The following RGPD2 variants were observed in gnomAD, a reference collection of about 807,000 sequenced individuals.
The protein encoded by RGPD2 is RANBP2 like and GRIP domain containing 2.
A neutral mutation model predicts 36.0 loss-of-function variants in RGPD2; 2 were observed. The observed-to-expected ratio is 0.06, with a 90% CI of 0.02 to 0.17. RGPD2 has a LOEUF of 0.17. Ranked by LOEUF, RGPD2 falls within the 10% of genes least tolerant of loss-of-function variation. RGPD2 has a pLI of 1.00. For synonymous variants in RGPD2, 19 were observed against 163.8 expected (o/e 0.12, Z 6.75); for missense variants, 40 against 464.3 (o/e 0.09, Z 8.40).
At chr2:87,866,280 T>G in the RGPD2 span, among the ~76,000 whole-genome samples, 1 of 151,976 alleles carries the variant, frequency 6.6e-6, no homozygotes, top group Admixed American at 6.6e-5. Context: ...TTGTATATTC[T>G]AAGTAGAATT....
the RGPD2 span, among the ~76,000 whole-genome samples, chr2:87,847,124 A>T: frequency 5.9e-5 from 9 of 152,346 alleles, no homozygotes; most frequent in African/African-American, 1.7e-4. Flanking sequence ...AATTTTTAGT[A>T]TCTTTCCAGA....
the RGPD2 span, among the ~76,000 whole-genome samples, chr2:87,988,543 T>TATATATATATATATATATA: frequency 3.0e-3 from 84 of 27,748 alleles, no homozygotes; most frequent in South Asian, 0.029. Context: ...ATATATATAT[T>TATATATATATATATATATA]TTTTTTTTTT....
the RGPD2 span, among the ~76,000 whole-genome samples, chr2:87,928,973 C>A: frequency 6.6e-6 from 1 of 151,822 alleles, no homozygotes; most frequent in East Asian, 1.9e-4. Flanking sequence ...GAATAGTTTG[C>A]AGATATTTTC....
At position 87,824,742 on chromosome 2, in the gene RGPD2, G is replaced by GGCCGCCGCCGCCGCC. The variant is rs1329887497; in HGVS notation, c.72+901_72+915dup. Among the ~76,000 whole-genome samples, 164 of 87,728 alleles carry GGCCGCCGCCGCCGCC rather than the reference G, an allele frequency of 1.9e-3. 2 individuals are homozygous for GGCCGCCGCCGCCGCC. Among genetic ancestry groups the GGCCGCCGCCGCCGCC allele is most frequent in the Non-Finnish European group, 2.6e-3 (111 of 42,136 alleles). 57.6% of individuals were successfully genotyped at this position (87,728 alleles called of 152,430 possible). On this transcript the variant is annotated intron_variant, in intron 1 of 22. Transcript: ENST00000398146. Reference sequence around the variant, plus strand: ...CGCCGCCGCCGCCCGGCCAGGCCGAGGCCGCCGCCGCCGCCGCCGCCGCCG... The same window carrying GGCCGCCGCCGCCGCC: ...CGCCGCCGCCGCCCGGCCAGGCCGAGGCCGCCGCCGCCGCCGCCGCCGCCGCCGCCGCCGCCGCCG...
intron 1 of RGPD2, among the ~76,000 whole-genome samples, chr2:87,825,394 C>CGCCCG (rs1277873687): frequency 7.4e-6 from 1 of 135,296 alleles, no homozygotes; most frequent in Non-Finnish European, 1.6e-5. Flanking sequence ...CCGCCGCCGC[C>CGCCCG]GCCCGGCCAG....
chr2:87,871,734 G>A, the RGPD2 span, among the ~76,000 whole-genome samples: 434 of 151,616 alleles, frequency 2.9e-3, no homozygotes, highest in African/African-American at 9.7e-3. Context: ...GCGTGGTGGT[G>A]CATGCCTGTA....
rs1209522874 is a variant in RGPD2 at position 87,756,972 on chromosome 2, TA to T, written c.*419del. On this transcript the variant is annotated 3_prime_UTR_variant, in exon 23 of 23. Coordinates refer to ENST00000398146, the MANE Select transcript of RGPD2 (RefSeq NM_001078170.3). ...CTTTCATCTTTGTGTTCATCTACTG[TA>T]AAGTGTCCGTCTGTGTCTGTGAGGG... 1 of 833,300 alleles carries T rather than the reference TA, an allele frequency of 1.2e-6. No individual in the cohort carries two copies. The highest frequency in any genetic ancestry group is 2.1e-6 in the Non-Finnish European group (1 of 477,474). 51.6% of individuals were successfully genotyped at this position (833,300 alleles called of 1,614,324 possible).
the RGPD2 span, among the ~76,000 whole-genome samples, chr2:87,919,102 A>G: frequency 2.0e-5 from 3 of 151,172 alleles, no homozygotes; most frequent in African/African-American, 7.3e-5. Flanking sequence ...AGTTACCTCC[A>G]GTATTCAAAA....
chr2:87,911,446 T>C, the RGPD2 span, among the ~76,000 whole-genome samples: 2 of 151,456 alleles, frequency 1.3e-5, no homozygotes, highest in African/African-American at 4.8e-5. Flanking sequence ...TTTGTTAACA[T>C]TTAATATTTC....
chr2:87,843,852 AACATATACACCATGGAAT>A, the RGPD2 span, among the ~76,000 whole-genome samples: 1 of 151,038 alleles, frequency 6.6e-6, no homozygotes, highest in African/African-American at 2.4e-5. Context: ...GAAAAGGTGG[AACATATACACCATGGAAT>A]ACTATGCAGC....
chr2:87,971,724 G>C, the RGPD2 span, among the ~76,000 whole-genome samples: 2 of 151,898 alleles, frequency 1.3e-5, no homozygotes, highest in East Asian at 1.9e-4. Context: ...AAGAATGTGA[G>C]TATGATTTAT....
chr2:87,973,426 G>A, the RGPD2 span, among the ~76,000 whole-genome samples: 1 of 134,172 alleles, frequency 7.5e-6, no homozygotes, highest in Non-Finnish European at 1.7e-5. Flanking sequence ...CCCAGATTCT[G>A]TACCGCAGGT....
chr2:87,951,773 TGGG>T, the RGPD2 span, among the ~76,000 whole-genome samples: 2 of 120,012 alleles, frequency 1.7e-5, no homozygotes, highest in Non-Finnish European at 3.5e-5. Flanking sequence ...TTAGTAGAGA[TGGG>T]GTTTCACCAT....
the RGPD2 span, among the ~76,000 whole-genome samples, chr2:87,969,902 GAGTT>G: frequency 1.4e-5 from 2 of 142,814 alleles, no homozygotes; most frequent in East Asian, 4.1e-4. Context: ...AATATTGAGA[GAGTT>G]AGCTAATGAA....
the RGPD2 span, among the ~76,000 whole-genome samples, chr2:87,955,255 C>T: frequency 6.8e-6 from 1 of 148,106 alleles, no homozygotes; most frequent in Admixed American, 6.8e-5. Flanking sequence ...ACCTCGTGAT[C>T]CACCCCCCCA....
At chr2:87,876,370 C>T in the RGPD2 span, among the ~76,000 whole-genome samples, 2 of 152,146 alleles carry the variant, frequency 1.3e-5, no homozygotes, top group Non-Finnish European at 2.9e-5. Context: ...CATTTAGCAC[C>T]ATGAATTTCC....
chr2:87,878,624 A>G, the RGPD2 span, among the ~76,000 whole-genome samples: 1 of 152,244 alleles, frequency 6.6e-6, no homozygotes, highest in Admixed American at 6.5e-5. Flanking sequence ...TGAGATATAC[A>G]ATACATTATT....
chr2:87,880,350 T>G, the RGPD2 span, among the ~76,000 whole-genome samples: 1 of 145,266 alleles, frequency 6.9e-6, no homozygotes, highest in South Asian at 2.2e-4. Flanking sequence ...TTTTTGTTGC[T>G]CAAACTTTTA....
chr2:87,883,764 A>T, the RGPD2 span, among the ~76,000 whole-genome samples: 1 of 152,128 alleles, frequency 6.6e-6, no homozygotes, highest in African/African-American at 2.4e-5. Flanking sequence ...ACTAACAATT[A>T]TATTTGCTCC....
Sources: allele counts gnomAD v4.1 joint callset (sites outside exome capture counted in the v4.1 genomes callset), GRCh38; gene constraint gnomAD v4.1.1; transcripts MANE v1.5; gene names NCBI Gene and HGNC (gene_info 2026-07-23, HGNC 2026-07-21).